Variants in CCDC18 observed in about 807,000 individuals in gnomAD.
The protein encoded by CCDC18 is coiled-coil domain-containing protein 18.
CCDC18 carries 157 observed loss-of-function variants against 196.0 expected under a neutral mutation model. The ratio of observed to expected loss-of-function variants is 0.80; its 90% confidence interval spans 0.70 to 0.91. The LOEUF is 0.91. CCDC18 is among the 40% of genes least tolerant of loss of function. CCDC18 has a pLI of 0.00. For missense variants in CCDC18, 1,465 were observed against 1,611.6 expected, an observed-to-expected ratio of 0.91 and a Z score of 1.56; for synonymous variants, 482 against 529.2, an observed-to-expected ratio of 0.91 and a Z score of 1.22.
chr1:93,223,896 TTTATACACAC>T (rs1249632663), intron 16 of CCDC18, among the ~76,000 whole-genome samples: 75 of 124,038 alleles, frequency 6.0e-4, no homozygotes, highest in East Asian at 1.9e-3. Context: ...ATTTCATTTA[TTTATACACAC>T]ACACACACAC....
At chr1:93,252,497 GTTT>G (rs562887599) in intron 23 of CCDC18, among the ~76,000 whole-genome samples, 3 of 151,676 alleles carry the variant, frequency 2.0e-5, no homozygotes, top group Non-Finnish European at 4.4e-5. Context: ...TCTCTGTTAA[GTTT>G]TTTTGATAAA....
At chr1:93,217,321 G>A (rs612037) in intron 13 of CCDC18, among the ~76,000 whole-genome samples, 76,809 of 152,072 alleles carry the variant, frequency 0.51, 23,003 homozygotes, top group African/African-American at 0.85. Context: ...AAATCTTCTC[G>A]TCTTGATAAA....
Position 93,270,515 on chromosome 1 carries a change from C to T in CCDC18, c.4054C>T (p.Arg1352Cys), listed in dbSNP as rs776434949. The change falls in exon 28 of 29, where the codon CGT becomes TGT. Residue 1352 changes from arginine (R) to cysteine (C), a missense_variant. By Grantham distance (180) the Arg-to-Cys change is radical. Coordinates refer to ENST00000690025, the MANE Select transcript of CCDC18 (RefSeq NM_001378204.1). ...HTSFSKCTKLRRSISASDLTF... is the reference protein window; with the variant it reads ...HTSFSKCTKLCRSISASDLTF... The stretch of plus-strand genomic sequence containing the variant: ...ATCTTTTTCCAAGTGTACAAAATTA[C>T]GTCGCTCTATTAGTGCCAGTGATCT... 1.6e-5 allele frequency: 25 copies of T among 1,550,248 alleles called. No individual in the cohort carries two copies. The highest frequency in any genetic ancestry group is 1.7e-4 in the Middle Eastern group (1 of 6,008).
intron 3 of CCDC18, among the ~76,000 whole-genome samples, chr1:93,184,733 A>G (rs1282006876): frequency 6.6e-6 from 1 of 151,910 alleles, no homozygotes; most frequent in East Asian, 1.9e-4. Flanking sequence ...CTACATGTAT[A>G]TACACAGATA....
chr1:93,206,893 C>T (rs372718792), intron 8 of CCDC18, among the ~76,000 whole-genome samples: 1 of 152,136 alleles, frequency 6.6e-6, no homozygotes, highest in African/African-American at 2.4e-5. Flanking sequence ...CCTTTTTGTG[C>T]CTCAGTTACC....
At chr1:93,259,493 T>G (rs1255155165) in intron 26 of CCDC18, among the ~76,000 whole-genome samples, 1 of 152,208 alleles carries the variant, frequency 6.6e-6, no homozygotes, top group Admixed American at 6.5e-5. Flanking sequence ...AATAAATTAC[T>G]TACGTTTAGT....
intron 21 of CCDC18, among the ~76,000 whole-genome samples, chr1:93,242,330 CAA>C (rs1491146208): frequency 1.2e-4 from 18 of 151,728 alleles, no homozygotes; most frequent in African/African-American, 3.9e-4. Flanking sequence ...TGGTGGCAGA[CAA>C]GAGAGCTTGC....
chr1:93,221,318 T>G (rs1485915869), intron 14 of CCDC18, among the ~76,000 whole-genome samples: 1 of 152,160 alleles, frequency 6.6e-6, no homozygotes, highest in African/African-American at 2.4e-5. Flanking sequence ...TAATTGCCAT[T>G]CTGACTGGCA....
intron 11 of CCDC18, 61 bp downstream of exon 11, chr1:93,212,322 T>TA (rs1187630228): frequency 6.9e-6 from 8 of 1,158,078 alleles, no homozygotes; most frequent in South Asian, 6.2e-5. Context: ...AGTTTTTTTT[T>TA]AAAAAAACTT....
At chr1:93,232,186 C>T (rs1426996176) in intron 17 of CCDC18, among the ~76,000 whole-genome samples, 1 of 152,190 alleles carries the variant, frequency 6.6e-6, no homozygotes, top group Non-Finnish European at 1.5e-5. Context: ...CACTTAGGAA[C>T]ATTTTTAAAG....
chr1:93,180,470 CG>C, upstream of CCDC18: 6 of 1,460,334 alleles, frequency 4.1e-6, no homozygotes, highest in Non-Finnish European at 5.6e-6. Flanking sequence ...GCCTCAGTCT[CG>C]GCCCCCTCAG....
At chr1:93,216,935 C>CTCTTTTTTTTTTT (rs781629982) in intron 13 of CCDC18, among the ~76,000 whole-genome samples, 189 bp downstream of exon 13, 1 of 132,770 alleles carries the variant, frequency 7.5e-6, no homozygotes. Context: ...CAAGTTTTCT[C>CTCTTTTTTTTTTT]TTTTTTTTTT....
chr1:93,251,291 A>C (rs751741387), intron 23 of CCDC18, among the ~76,000 whole-genome samples: 8 of 152,146 alleles, frequency 5.3e-5, no homozygotes, highest in Non-Finnish European at 1.2e-4. Flanking sequence ...AAATTGTTAT[A>C]TTGCCTATCT....
At chr1:93,246,798 T>A in intron 22 of CCDC18, 40 bp from the exon 23 acceptor site, 1 of 912,520 alleles carries the variant, frequency 1.1e-6, no homozygotes, top group East Asian at 2.5e-5. Context: ...AGTTTTTATA[T>A]CAGAATAAAA....
At position 93,214,846 on chromosome 1, in the gene CCDC18, A is replaced by G. The variant is rs1181156700; in HGVS notation, c.1599A>G (p.Ile533Met). 2 of 1,613,616 alleles carry G rather than the reference A, an allele frequency of 1.2e-6. No individual in the cohort carries two copies. The highest frequency in any genetic ancestry group is 4.5e-5 in the East Asian group (2 of 44,800). Residue 533 changes from isoleucine (I) to methionine (M), a missense_variant, in exon 12 of 29, where the codon ATA (isoleucine) becomes ATG (methionine). Transcript: ENST00000690025. ...TGIEELRTKL[I>M]QIEAENSDLK... ...TAGAAGAACTACGTACTAAGCTGAT[A>G]CAAATAGAAGCTGAAAATTCTGATT...
intron 23 of CCDC18, among the ~76,000 whole-genome samples, chr1:93,250,378 CA>C (rs71094242): frequency 0.29 from 26,046 of 89,180 alleles, 1,875 homozygotes; most frequent in African/African-American, 0.43. Context: ...GAGACCCTGT[CA>C]AAAAAAAAAA....
At chr1:93,267,368 T>C (rs1179846611) in intron 27 of CCDC18, among the ~76,000 whole-genome samples, 3 of 152,188 alleles carry the variant, frequency 2.0e-5, no homozygotes. Context: ...AGCATTCCCT[T>C]TGAAAACTGG....
intron 23 of CCDC18, among the ~76,000 whole-genome samples, chr1:93,253,971 T>C (rs191114553): frequency 3.2e-4 from 48 of 152,276 alleles, no homozygotes; most frequent in African/African-American, 8.7e-4. Context: ...TGCAGGATTC[T>C]TTTTTTATTT....
At chr1:93,201,099 A>C (rs1477411840) in intron 6 of CCDC18, among the ~76,000 whole-genome samples, 1 of 152,200 alleles carries the variant, frequency 6.6e-6, no homozygotes. Flanking sequence ...TTGTGGCAAA[A>C]TAACCAACAG....
Sources: allele counts gnomAD v4.1 joint callset (sites outside exome capture counted in the v4.1 genomes callset), GRCh38; gene constraint gnomAD v4.1.1; transcripts MANE v1.5; gene names NCBI Gene and HGNC (gene_info 2026-07-23, HGNC 2026-07-21).